RAB3IP: variants seen among roughly 807,000 people sequenced by gnomAD.
RAB3IP encodes the protein RAB3A interacting protein.
RAB3IP carries 36 observed loss-of-function variants against 59.1 expected under a neutral mutation model. That is an observed-to-expected ratio of 0.61 (90% CI 0.47 to 0.80). RAB3IP has a LOEUF of 0.80. RAB3IP is among the 30% of genes least tolerant of loss of function. RAB3IP has a pLI of 0.00. For synonymous variants in RAB3IP, 207 were observed against 191.2 expected, an observed-to-expected ratio of 1.08 and a Z score of -0.68; for missense variants, 511 against 536.0, an observed-to-expected ratio of 0.95 and a Z score of 0.46.
At chr12:69,783,632 G>A (rs191182834) in intron 3 of RAB3IP, among the ~76,000 whole-genome samples, 8 of 152,342 alleles carry the variant, frequency 5.3e-5, no homozygotes, top group Admixed American at 3.3e-4. Context: ...GTTGGAGCCT[G>A]TGAAAACCTT....
intron 8 of RAB3IP, among the ~76,000 whole-genome samples, chr12:69,810,895 G>A (rs1363887511): frequency 1.3e-5 from 2 of 152,216 alleles, no homozygotes; most frequent in East Asian, 1.9e-4. Flanking sequence ...TTAATGTAGT[G>A]TAGCATGTTT....
At chr12:69,771,713 C>T (rs1873146816) in intron 3 of RAB3IP, among the ~76,000 whole-genome samples, 1 of 152,128 alleles carries the variant, frequency 6.6e-6, no homozygotes, top group Non-Finnish European at 1.5e-5. Context: ...TTGGGAGAAC[C>T]TCCATACTGT....
chr12:69,815,343 C>T (rs1592641549), intron 10 of RAB3IP, 21 bp from the exon 11 acceptor site: 1 of 1,263,320 alleles, frequency 7.9e-7, no homozygotes, highest in Non-Finnish European at 1.0e-6. Flanking sequence ...ATTTAAATAT[C>T]TCTCTTTTCT....
Position 69,755,561 on chromosome 12 carries a change from A to T in RAB3IP, c.153A>T (p.Val51=), listed in dbSNP as rs775991934. Residue 51 remains valine (V), a synonymous_variant, in exon 2 of 11, where the codon GTA becomes GTT. Coordinates refer to ENST00000247833, the MANE Select transcript of RAB3IP (RefSeq NM_022456.5). The part of the protein sequence containing the change: ...YRPHPSALSS[V]PIQANALDVS... ...CACACCCTTCAGCTTTATCCTCTGT[A>T]CCTATCCAGGCAAATGCATTAGATG... 5 of 1,613,816 alleles carry T rather than the reference A, an allele frequency of 3.1e-6. No homozygotes were observed. The Admixed American group carries it at 5.0e-5, about 16-fold the overall frequency.
chr12:69,770,082 A>G (rs1208512280), intron 3 of RAB3IP, among the ~76,000 whole-genome samples: 1 of 152,216 alleles, frequency 6.6e-6, no homozygotes, highest in Non-Finnish European at 1.5e-5. Flanking sequence ...TCATCAGTTT[A>G]AGAGAGTCTT....
intron 10 of RAB3IP, among the ~76,000 whole-genome samples, chr12:69,813,348 CATTGA>C (rs1353624185): frequency 2.0e-5 from 3 of 152,104 alleles, no homozygotes. Context: ...GTTCTAAGCT[CATTGA>C]ATTGACTCTT....
rs1425843717 is a variant in RAB3IP at position 69,794,515 on chromosome 12, G to C, written c.684+1G>C. 1 of 1,611,060 alleles carries C rather than the reference G, an allele frequency of 6.2e-7. No homozygotes were observed. Among genetic ancestry groups the C allele is most frequent in the Admixed American group, 1.7e-5 (1 of 59,820 alleles). On this transcript the variant is annotated splice_donor_variant, in intron 5 of 10. Transcript: ENST00000247833. LOFTEE classifies it high-confidence loss of function. ...ACAGCTAAAAGAAGCACAAGGAAAA[G>C]TGAGTTTTTGCAGCTCTTAATAGTA...
chr12:69,763,006 A>G lies in RAB3IP; in HGVS notation c.510+6343A>G, dbSNP rs546003428. Among the ~76,000 whole-genome samples the G allele has an allele frequency of 3.3e-5, 5 of 152,314 alleles. No homozygotes were observed. In the East Asian group the frequency reaches 9.6e-4, roughly 29 times the overall value. On this transcript the variant is annotated intron_variant, in intron 3 of 10. Coordinates refer to ENST00000247833, the MANE Select transcript of RAB3IP (RefSeq NM_022456.5). ...TTGCTTCTCAACATAAGCTCCGTCA[A>G]GTTGAAGACACTTTTATAAGGGATG...
intron 3 of RAB3IP, 79 bp from the exon 4 acceptor site, chr12:69,784,641 T>G: frequency 1.7e-6 from 1 of 604,050 alleles, no homozygotes; most frequent in Non-Finnish European, 2.7e-6. Flanking sequence ...TTTATAATTT[T>G]ATTAGTAAAG....
intron 1 of RAB3IP, among the ~76,000 whole-genome samples, chr12:69,749,294 A>G (rs1044228646): frequency 2.6e-5 from 4 of 152,172 alleles, no homozygotes; most frequent in Non-Finnish European, 5.9e-5. Flanking sequence ...CATGCTTCTT[A>G]AGAGAATCTA....
intron 2 of RAB3IP, 88 bp from the exon 3 acceptor site, chr12:69,756,317 G>T: frequency 1.5e-6 from 2 of 1,347,542 alleles, no homozygotes; most frequent in East Asian, 2.3e-5. Flanking sequence ...TACCAAATTG[G>T]GTAGTACAGT....
intron 1 of RAB3IP, among the ~76,000 whole-genome samples, chr12:69,742,190 G>A (rs1169686511): frequency 6.6e-6 from 1 of 152,192 alleles, no homozygotes; most frequent in Non-Finnish European, 1.5e-5. Context: ...TTTGTGCATT[G>A]AGGTAATGAG....
At chr12:69,798,417 G>T (rs1207619492) in intron 6 of RAB3IP, among the ~76,000 whole-genome samples, 2 of 151,378 alleles carry the variant, frequency 1.3e-5, no homozygotes, top group East Asian at 3.9e-4. Flanking sequence ...GTAGATTCTG[G>T]ATATTAGCCC....
At chr12:69,788,225 A>G (rs1286362402) in intron 4 of RAB3IP, among the ~76,000 whole-genome samples, 1 of 152,140 alleles carries the variant, frequency 6.6e-6, no homozygotes, top group African/African-American at 2.4e-5. Context: ...TTTTGTCATT[A>G]TAGATTTCAT....
In RAB3IP at chr12:69,755,384, G is replaced by T. The variant is rs377006215; in HGVS notation, c.-25G>T. 8.7e-6 allele frequency: 14 copies of T among 1,610,600 alleles called. No individual in the cohort carries two copies. Among genetic ancestry groups the T allele is most frequent in the Non-Finnish European group, 1.1e-5 (13 of 1,178,108 alleles). On this transcript the variant is annotated splice_region_variant and 5_prime_UTR_variant, in exon 2 of 11. Coordinates refer to ENST00000247833, the MANE Select transcript of RAB3IP (RefSeq NM_022456.5). Reference sequence around the variant, plus strand: ...GTATCTGCTTTTTGTTTTAACATAGGTTATCTTATGATGAGGCTTTTGCTA... The same window carrying T: ...GTATCTGCTTTTTGTTTTAACATAGTTTATCTTATGATGAGGCTTTTGCTA...
chr12:69,775,448 T>C (rs1293245330), intron 3 of RAB3IP, among the ~76,000 whole-genome samples: 1 of 111,366 alleles, frequency 9.0e-6, no homozygotes, highest in African/African-American at 3.6e-5. Context: ...TCCAACACTA[T>C]GTTGAATAGG....
At chr12:69,785,377 TAGAGAGATAC>T (rs888825121) in intron 4 of RAB3IP, among the ~76,000 whole-genome samples, 8 of 152,110 alleles carry the variant, frequency 5.3e-5, no homozygotes, top group African/African-American at 1.9e-4. Context: ...TATACATGTA[TAGAGAGATAC>T]AGAGAGGGAG....
At chr12:69,756,711 G>A in intron 3 of RAB3IP, 48 bp downstream of exon 3, 2 of 1,493,576 alleles carry the variant, frequency 1.3e-6, no homozygotes, top group Non-Finnish European at 1.8e-6. Flanking sequence ...TTAGAAATTA[G>A]TATTTCTCCA....
intron 3 of RAB3IP, among the ~76,000 whole-genome samples, chr12:69,761,666 A>G (rs1318103016): frequency 2.0e-5 from 3 of 152,228 alleles, no homozygotes; most frequent in Admixed American, 6.5e-5. Flanking sequence ...TATCTTGAGC[A>G]TATAATGGGT....
Sources: gnomAD v4.1 joint callset for allele counts (sites outside exome capture counted in the v4.1 genomes callset) on GRCh38, gnomAD v4.1.1 for gene constraint, MANE v1.5 for transcripts, NCBI Gene and HGNC (gene_info 2026-07-23, HGNC 2026-07-21) for gene names.